EDC3: variants seen among roughly 807,000 people sequenced by gnomAD.
EDC3 encodes the protein enhancer of mRNA-decapping protein 3.
Under a neutral mutation model 41.8 loss-of-function variants are expected in EDC3, and 20 were observed. The observed-to-expected ratio is 0.48, with a 90% CI of 0.34 to 0.70. The LOEUF (loss-of-function observed/expected upper bound fraction) is 0.70. Ranked by LOEUF, EDC3 falls within the 30% of genes least tolerant of loss-of-function variation. The pLI is 0.01. For missense variants in EDC3, 444 were observed against 636.8 expected (o/e 0.70, Z 3.26); for synonymous variants, 206 against 243.2 (o/e 0.85, Z 1.42).
At chr15:74,676,474 TAATA>T (rs1434843401) in intron 1 of EDC3, among the ~76,000 whole-genome samples, 10 of 151,638 alleles carry the variant, frequency 6.6e-5, no homozygotes, top group Non-Finnish European at 5.9e-5. Context: ...GGTAAACACC[TAATA>T]AAGAAAAAAG....
chr15:74,695,365 C>T (rs2063053131), intron 1 of EDC3: 1 of 152,242 alleles, frequency 6.6e-6, no homozygotes, highest in Non-Finnish European at 1.5e-5. Context: ...GAACCACAGA[C>T]TTGCATCAAA....
chr15:74,635,927 G>A (rs1596299277), intron 5 of EDC3: 1 of 395,688 alleles, frequency 2.5e-6, no homozygotes, highest in Non-Finnish European at 4.7e-6. Flanking sequence ...ACACTTAATA[G>A]TTCCTCTGCA....
At chr15:74,645,494 T>C (rs2062402514) in intron 4 of EDC3, 1 of 148,272 alleles carries the variant, frequency 6.7e-6, no homozygotes, top group South Asian at 2.1e-4. Flanking sequence ...AAATGAAGGG[T>C]ATATGGTTGT....
At position 74,640,485 on chromosome 15, in the gene EDC3, G is replaced by A; in HGVS notation, c.955C>T (p.Leu319Phe). Residue 319 changes from leucine to phenylalanine, a missense_variant, in exon 5 of 7, where the codon CTC becomes TTC. Leu to Phe is a conservative substitution (Grantham distance 22, BLOSUM62 0). Transcript: ENST00000315127. ...ATTTACCTGTTAGGTCCTCCGAGGA[G>A]GGTCAGTGCCATCTGACTGGCACAC... ...GVCASQMALT[L>F]LGGPNRLNPK... is the part of the protein sequence containing the mutation. 6.2e-7 allele frequency: 1 copy of A among 1,614,152 alleles called. No individual in the cohort carries two copies. Among genetic ancestry groups the A allele is most frequent in the Non-Finnish European group, 8.5e-7 (1 of 1,180,024 alleles).
intron 5 of EDC3, chr15:74,640,105 T>C (rs2062330134): frequency 4.4e-6 from 1 of 226,776 alleles, no homozygotes; most frequent in South Asian, 6.8e-5. Context: ...CTCTCAGGTA[T>C]GGAGACTGAT....
At chr15:74,654,470 T>A (rs987162721) in intron 4 of EDC3, among the ~76,000 whole-genome samples, 2 of 152,180 alleles carry the variant, frequency 1.3e-5, no homozygotes, top group Non-Finnish European at 2.9e-5. Context: ...GATAACTGCC[T>A]TTGAAAGGCT....
intron 5 of EDC3, 174 bp downstream of exon 5, chr15:74,640,292 G>A (rs2062333638): frequency 1.5e-6 from 1 of 687,538 alleles, no homozygotes; most frequent in Non-Finnish European, 2.4e-6. Context: ...ATGGGTCTGA[G>A]GAGGGGCAAA....
At chr15:74,688,114 G>C (rs575692214) in intron 1 of EDC3, among the ~76,000 whole-genome samples, 1 of 151,912 alleles carries the variant, frequency 6.6e-6, no homozygotes, top group African/African-American at 2.4e-5. Context: ...AACTTCCCTT[G>C]GTAAAATAGC....
chr15:74,645,307 T>C (rs1247227977), intron 4 of EDC3: 1 of 152,192 alleles, frequency 6.6e-6, no homozygotes, highest in Non-Finnish European at 1.5e-5. Flanking sequence ...GAGAGCAATC[T>C]TGTAGTGTGG....
At chr15:74,678,891 G>GA (rs35560581) in intron 1 of EDC3, among the ~76,000 whole-genome samples, 139 of 109,876 alleles carry the variant, frequency 1.3e-3, no homozygotes, top group East Asian at 2.0e-3. Context: ...CTCCGTCTCA[G>GA]AAAAAAAAAA....
chr15:74,654,437 G>C (rs185691998), intron 4 of EDC3, among the ~76,000 whole-genome samples: 1 of 152,166 alleles, frequency 6.6e-6, no homozygotes, highest in Non-Finnish European at 1.5e-5. Context: ...GGCTGATCTG[G>C]AGGAGTACCA....
At chr15:74,652,937 T>C (rs2062499255) in intron 4 of EDC3, among the ~76,000 whole-genome samples, 1 of 151,866 alleles carries the variant, frequency 6.6e-6, no homozygotes, top group Non-Finnish European at 1.5e-5. Context: ...CCCAGCACTT[T>C]GGGAGGCCAA....
At chr15:74,638,700 T>C (rs1026499316) in intron 5 of EDC3, 1 of 151,886 alleles carries the variant, frequency 6.6e-6, no homozygotes, top group Admixed American at 6.6e-5. Context: ...ACTCAACACA[T>C]CCAAAACAAA....
intron 1 of EDC3, among the ~76,000 whole-genome samples, chr15:74,676,534 T>C (rs148426304): frequency 2.0e-5 from 3 of 152,244 alleles, no homozygotes; most frequent in South Asian, 2.1e-4. Flanking sequence ...AGAGACATCA[T>C]AGACATTAAA....
chr15:74,647,908 T>C (rs1389995938), intron 4 of EDC3, among the ~76,000 whole-genome samples: 1 of 152,210 alleles, frequency 6.6e-6, no homozygotes, highest in Non-Finnish European at 1.5e-5. Flanking sequence ...CCAGAATTTA[T>C]TTCCTGATGT....
chr15:74,670,491 A>G (rs1281418117), intron 3 of EDC3, among the ~76,000 whole-genome samples: 5 of 152,166 alleles, frequency 3.3e-5, no homozygotes, highest in African/African-American at 1.2e-4. Flanking sequence ...CTGGAGTGGC[A>G]CAATATCAGC....
chr15:74,638,670 A>G (rs993959045), intron 5 of EDC3: 2 of 151,930 alleles, frequency 1.3e-5, no homozygotes, highest in Admixed American at 6.6e-5. Flanking sequence ...GACTATTTGG[A>G]TATCTCACAG....
intron 5 of EDC3, chr15:74,639,642 G>C (rs2062322475): frequency 6.6e-6 from 1 of 151,832 alleles, no homozygotes; most frequent in Non-Finnish European, 1.5e-5. Context: ...TCAAGCTCAG[G>C]AGGTGGAAGT....
Position 74,630,737 on chromosome 15 carries a change from C to G in EDC3, c.*1875G>C, listed in dbSNP as rs560810378. On this transcript the variant is annotated 3_prime_UTR_variant, in exon 7 of 7. Transcript: ENST00000315127. ...TCTCTTTAATACCTCTGGGGAAGGC[C>G]CAGGCTAAGGATGAGGGCAGGGACC... is the stretch of plus-strand genomic sequence containing the variant. 2 of 152,314 alleles carry G rather than the reference C, an allele frequency of 1.3e-5. No homozygotes were observed. Among genetic ancestry groups the G allele is most frequent in the South Asian group, 4.1e-4 (2 of 4,828 alleles). 9.4% of individuals were successfully genotyped at this position (152,314 alleles called of 1,614,324 possible).
Sources: gnomAD v4.1 joint callset for allele counts (sites outside exome capture counted in the v4.1 genomes callset) on GRCh38, gnomAD v4.1.1 for gene constraint, MANE v1.5 for transcripts, NCBI Gene and HGNC (gene_info 2026-07-23, HGNC 2026-07-21) for gene names.